NDST4: variants seen among roughly 807,000 people sequenced by gnomAD.
The protein encoded by NDST4 is N-heparan sulfate sulfotransferase 4.
Under a neutral mutation model 100.8 loss-of-function variants are expected in NDST4, and 63 were observed. The ratio of observed to expected loss-of-function variants is 0.62; its 90% confidence interval spans 0.51 to 0.77. The LOEUF is 0.77. Ranked by LOEUF, NDST4 falls within the 30% of genes least tolerant of loss-of-function variation. The pLI, the probability that NDST4 is intolerant of heterozygous loss-of-function variation, is 0.00. For synonymous variants in NDST4, 377 were observed against 361.8 expected (o/e 1.04, Z -0.48); for missense variants, 943 against 1,018.4 (o/e 0.93, Z 1.01).
chr4:115,090,228 G>GCTATAAAGGAC (rs1417669094), intron 1 of NDST4, among the ~76,000 whole-genome samples: 1 of 151,682 alleles, frequency 6.6e-6, no homozygotes, highest in East Asian at 1.9e-4. Flanking sequence ...ACAAAACACA[G>GCTATAAAGGAC]CTATAAAGGA....
chr4:115,083,637 CA>C (rs1729346126), intron 1 of NDST4, among the ~76,000 whole-genome samples: 1 of 152,128 alleles, frequency 6.6e-6, no homozygotes, highest in Non-Finnish European at 1.5e-5. Context: ...CCATAATCCC[CA>C]TGTGTTGTAG....
At chr4:115,108,047 C>G (rs1205854391) in intron 1 of NDST4, among the ~76,000 whole-genome samples, 1 of 151,954 alleles carries the variant, frequency 6.6e-6, no homozygotes, top group Non-Finnish European at 1.5e-5. Flanking sequence ...TTACTTATTA[C>G]AGTACAGGGA....
In NDST4 at chr4:114,977,291, A is replaced by G. The variant is rs555326847; in HGVS notation, c.979-17T>C. ...TAGTAATGCCTGAAATAAATAAGAA[A>G]TTAACATGATTTTAGAAAAATAAAT... On this transcript the variant is annotated splice_polypyrimidine_tract_variant and intron_variant, in intron 2 of 13. Coordinates refer to ENST00000264363, the MANE Select transcript of NDST4 (RefSeq NM_022569.3). 1 of 1,527,416 alleles carries G rather than the reference A, an allele frequency of 6.5e-7. No individual in the cohort carries two copies. Among genetic ancestry groups the G allele is most frequent in the East Asian group, 2.3e-5 (1 of 44,330 alleles). The allele number at this position is 1,527,416 out of a possible 1,614,324, so 94.6% of individuals were successfully genotyped here. A position where few individuals can be genotyped will look rare whatever the true frequency, so the allele number is the denominator to read the frequency against.
rs771749730 is a variant in NDST4 at position 115,103,620 on chromosome 4, A to G, written c.-247+9824T>C. Reference sequence around the variant, plus strand: ...ACGCAACACACAAAATGATTGGATTATTCTTTATCATAAGAGGCATACTCC... The same window carrying G: ...ACGCAACACACAAAATGATTGGATTGTTCTTTATCATAAGAGGCATACTCC... On this transcript the variant is annotated intron_variant, in intron 1 of 13. Coordinates refer to ENST00000264363, the MANE Select transcript of NDST4 (RefSeq NM_022569.3). Among the ~76,000 whole-genome samples, 242 of 152,298 alleles carry G rather than the reference A, an allele frequency of 1.6e-3. 1 individual carries two copies. Among genetic ancestry groups the G allele is most frequent in the Non-Finnish European group, 3.1e-3 (210 of 68,002 alleles).
rs1012667078 is a variant in NDST4 at position 114,860,064 on chromosome 4, C to A, written c.1720-7243G>T. Among the ~76,000 whole-genome samples, 3 of 152,138 alleles carry A rather than the reference C, an allele frequency of 2.0e-5. No individual in the cohort carries two copies. In the South Asian group the frequency reaches 6.2e-4, roughly 32 times the overall value. ...TAAAGGGATCAGTAATGTATAATGA[C>A]AACCATATTATGTTAGAATTTACCT... On this transcript the variant is annotated intron_variant, in intron 7 of 13. Coordinates refer to ENST00000264363, the MANE Select transcript of NDST4 (RefSeq NM_022569.3).
chr4:114,901,392 C>G lies in NDST4; in HGVS notation c.1537-30442G>C, dbSNP rs554278289. On this transcript the variant is annotated intron_variant, in intron 6 of 13. Coordinates refer to ENST00000264363, the MANE Select transcript of NDST4 (RefSeq NM_022569.3). ...TTTATTATTTAATGCCCCTTGTAAT[C>G]CCTGAATAACTTTCTTTGTTCTGAA... Among the ~76,000 whole-genome samples, 7 of 152,116 alleles carry G rather than the reference C, an allele frequency of 4.6e-5. No individual in the cohort carries two copies. The South Asian group carries it at 1.4e-3, about 31-fold the overall frequency.
At chr4:115,084,799 A>T (rs508357) in intron 1 of NDST4, among the ~76,000 whole-genome samples, 1 of 151,962 alleles carries the variant, frequency 6.6e-6, no homozygotes, top group South Asian at 2.1e-4. Context: ...TGTCCAGGCA[A>T]AAGTTTGATG....
chr4:114,831,572 G>A (rs1723202327), intron 12 of NDST4, among the ~76,000 whole-genome samples: 1 of 152,170 alleles, frequency 6.6e-6, no homozygotes, highest in Non-Finnish European at 1.5e-5. Flanking sequence ...TTATACACAT[G>A]CTGAGAGCAT....
intron 4 of NDST4, among the ~76,000 whole-genome samples, chr4:114,949,335 A>T (rs1311290261): frequency 6.6e-6 from 1 of 152,048 alleles, no homozygotes; most frequent in African/African-American, 2.4e-5. Flanking sequence ...TTAAGAGAAA[A>T]ACTCTAAGGG....
chr4:114,929,424 A>G (rs1286128132), intron 6 of NDST4, among the ~76,000 whole-genome samples: 1 of 152,032 alleles, frequency 6.6e-6, no homozygotes, highest in Non-Finnish European at 1.5e-5. Flanking sequence ...TCATATTCCC[A>G]TATTAGGATG....
Position 115,076,997 on chromosome 4 carries a change from A to G in NDST4, c.40T>C (p.Leu14=), listed in dbSNP as rs755872817. Residue 14 remains leucine (L), a synonymous_variant, in exon 2 of 14, where the codon TTG becomes CTG. Transcript: ENST00000264363. ...CAAAAGGTAGCTAAGAGAACAATCA[A>G]TGTTCGAAAACTTCTCCGAAGTTTC... ...IVKLRRSFRT[L]IVLLATFCLV... 32 of 1,608,254 alleles carry G rather than the reference A, an allele frequency of 2.0e-5. No individual in the cohort carries two copies. Among genetic ancestry groups the G allele is most frequent in the Non-Finnish European group, 2.6e-5 (31 of 1,178,174 alleles).
intron 10 of NDST4, among the ~76,000 whole-genome samples, chr4:114,841,276 G>T (rs529104706): frequency 6.6e-6 from 1 of 152,146 alleles, no homozygotes; most frequent in Admixed American, 6.5e-5. Flanking sequence ...ATAAAAATGT[G>T]GGGTAGAAAT....
chr4:114,899,067 G>C (rs1234008829), intron 6 of NDST4, among the ~76,000 whole-genome samples: 1 of 152,184 alleles, frequency 6.6e-6, no homozygotes, highest in Non-Finnish European at 1.5e-5. Context: ...TGTTCAAAGA[G>C]TGTGGTGAGA....
chr4:115,081,453 T>C (rs1472823434), intron 1 of NDST4, among the ~76,000 whole-genome samples: 1 of 152,080 alleles, frequency 6.6e-6, no homozygotes, highest in African/African-American at 2.4e-5. Context: ...TTAGTTTGAA[T>C]CTCTTACCTA....
At chr4:114,964,560 T>A (rs1016804955) in intron 4 of NDST4, among the ~76,000 whole-genome samples, 1 of 152,230 alleles carries the variant, frequency 6.6e-6, no homozygotes, top group African/African-American at 2.4e-5. Context: ...TACCTCAAGA[T>A]CTTGTTCAAT....
chr4:115,032,770 T>C (rs1185644410), intron 2 of NDST4, among the ~76,000 whole-genome samples: 1 of 152,096 alleles, frequency 6.6e-6, no homozygotes, highest in Admixed American at 6.6e-5. Flanking sequence ...TTGTTGCTGA[T>C]GTTATAGAAG....
intron 2 of NDST4, among the ~76,000 whole-genome samples, chr4:115,060,429 T>C (rs1728794577): frequency 6.6e-6 from 1 of 152,032 alleles, no homozygotes; most frequent in South Asian, 2.1e-4. Flanking sequence ...ATAAAAACTC[T>C]AACTGAAATT....
chr4:114,906,399 A>G (rs80035858), intron 6 of NDST4, among the ~76,000 whole-genome samples: 2,412 of 151,416 alleles, frequency 0.016, 68 homozygotes, highest in African/African-American at 0.056. Flanking sequence ...ATGAAAGGAG[A>G]TATTCGGGGG....
chr4:115,017,161 T>C (rs1186159973), intron 2 of NDST4, among the ~76,000 whole-genome samples: 4 of 152,074 alleles, frequency 2.6e-5, no homozygotes, highest in African/African-American at 9.7e-5. Flanking sequence ...TCAAACAGAA[T>C]GCACATTTAA....
Sources: gnomAD v4.1 joint callset for allele counts (sites outside exome capture counted in the v4.1 genomes callset) on GRCh38, gnomAD v4.1.1 for gene constraint, MANE v1.5 for transcripts, NCBI Gene and HGNC (gene_info 2026-07-23, HGNC 2026-07-21) for gene names.